Variants in EHBP1 observed in about 807,000 individuals in gnomAD.
EHBP1 encodes EH domain binding protein 1.
EHBP1 carries 55 observed loss-of-function variants against 144.0 expected under a neutral mutation model. The ratio of observed to expected loss-of-function variants is 0.38; its 90% CI spans 0.31 to 0.48. The LOEUF (loss-of-function observed/expected upper bound fraction) is 0.48. EHBP1 is among the 20% of genes least tolerant of loss of function. The probability of loss-of-function intolerance (pLI) is 0.98; values close to 1 mark genes in which losing one functional copy is unlikely to be tolerated. For synonymous variants in EHBP1, 469 were observed against 472.7 expected, an observed-to-expected ratio of 0.99 and a Z score of 0.10; for missense variants, 1,200 against 1,364.2, an observed-to-expected ratio of 0.88 and a Z score of 1.90.
At chr2:62,996,548 G>A (rs2059634026) in intron 18 of EHBP1, 95 bp from the exon 19 acceptor site, 1 of 1,508,658 alleles carries the variant, frequency 6.6e-7, no homozygotes, top group Admixed American at 1.8e-5. Flanking sequence ...GGTGTATTTG[G>A]TTCTCTAGGT....
At position 62,894,250 on chromosome 2, in the gene EHBP1, A is replaced by G. The variant is rs17027460; in HGVS notation, c.1185+19718A>G. On this transcript the variant is annotated intron_variant, in intron 10 of 22. Coordinates refer to ENST00000431489, the MANE Select transcript of EHBP1 (RefSeq NM_001142616.3). Reference sequence around the variant, plus strand: ...ACCCAATATGGTAGGCACATAAACAAAAAGTATGGTACATTATAATTAGGG... The same window carrying G: ...ACCCAATATGGTAGGCACATAAACAGAAAGTATGGTACATTATAATTAGGG... Among the ~76,000 whole-genome samples the G allele has an allele frequency of 3.1e-3, 469 of 152,316 alleles. 9 individuals carry two copies. Among genetic ancestry groups the G allele is most frequent in the East Asian group, 0.027 (142 of 5,186 alleles).
intron 2 of EHBP1, among the ~76,000 whole-genome samples, chr2:62,732,796 T>C (rs1427754112): frequency 6.6e-6 from 1 of 152,216 alleles, no homozygotes; most frequent in Non-Finnish European, 1.5e-5. Context: ...TGTAATTGTC[T>C]CACAGTTTTT....
rs1305544135 is a variant in EHBP1 at position 62,900,207 on chromosome 2, A to G, written c.1185+25675A>G. Reference sequence around the variant, plus strand: ...GTCACTTCCAATATAAGGAAAATAAAAAAATGAAGACTAAATATTTACTCT... The same window carrying G: ...GTCACTTCCAATATAAGGAAAATAAGAAAATGAAGACTAAATATTTACTCT... On this transcript the variant is annotated intron_variant, in intron 10 of 22. Transcript: ENST00000431489. Among the ~76,000 whole-genome samples the G allele has an allele frequency of 2.0e-5, 3 of 152,226 alleles. No homozygotes were observed. The East Asian group carries it at 5.8e-4, about 29-fold the overall frequency.
At chr2:62,778,639 A>G (rs1276661143) in intron 5 of EHBP1, among the ~76,000 whole-genome samples, 2 of 152,164 alleles carry the variant, frequency 1.3e-5, no homozygotes, top group East Asian at 3.9e-4. Context: ...TGCCCAACCA[A>G]ACTCACCTGA....
At chr2:62,684,879 G>C (rs1466435869) in intron 1 of EHBP1, among the ~76,000 whole-genome samples, 2 of 152,156 alleles carry the variant, frequency 1.3e-5, no homozygotes, top group African/African-American at 2.4e-5. Context: ...CCAAAAACTG[G>C]GTGACTTACA....
intron 15 of EHBP1, among the ~76,000 whole-genome samples, chr2:62,979,808 T>G (rs536967101): frequency 6.6e-5 from 10 of 152,298 alleles, no homozygotes; most frequent in African/African-American, 2.2e-4. Context: ...CAGTTTCTTC[T>G]TAGTCTCCTC....
chr2:62,881,377 G>A (rs2051399373), intron 10 of EHBP1, among the ~76,000 whole-genome samples: 1 of 129,500 alleles, frequency 7.7e-6, no homozygotes, highest in African/African-American at 2.9e-5. Flanking sequence ...ACCCACACAT[G>A]TACGTCCTGA....
At chr2:62,815,649 T>C (rs2045384080) in intron 5 of EHBP1, among the ~76,000 whole-genome samples, 2 of 152,332 alleles carry the variant, frequency 1.3e-5, no homozygotes, top group Non-Finnish European at 2.9e-5. Context: ...TTGGCAAATG[T>C]TTTATTGAAA....
chr2:62,737,585 T>A (rs1175750157), intron 2 of EHBP1, among the ~76,000 whole-genome samples: 1 of 151,960 alleles, frequency 6.6e-6, no homozygotes, highest in Non-Finnish European at 1.5e-5. Context: ...CTAAGAAGAG[T>A]TGTTGATATT....
intron 15 of EHBP1, among the ~76,000 whole-genome samples, chr2:62,982,404 TG>T (rs2059010460): frequency 6.6e-6 from 1 of 152,210 alleles, no homozygotes; most frequent in Non-Finnish European, 1.5e-5. Flanking sequence ...GTAGGCTGGA[TG>T]TTGCCCCTGG....
chr2:62,703,345 GA>G (rs956884196), upstream of EHBP1, among the ~76,000 whole-genome samples: 6 of 146,698 alleles, frequency 4.1e-5, no homozygotes, highest in East Asian at 7.9e-4. Flanking sequence ...CCCGTCTCAA[GA>G]AAAAAAAAAG....
At chr2:62,816,241 G>T (rs1558721568) in intron 5 of EHBP1, among the ~76,000 whole-genome samples, 1 of 152,142 alleles carries the variant, frequency 6.6e-6, no homozygotes, top group Non-Finnish European at 1.5e-5. Flanking sequence ...ACTTTAGAGA[G>T]AGATAAAGAC....
At chr2:62,756,673 C>T (rs1362271147) in intron 3 of EHBP1, among the ~76,000 whole-genome samples, 1 of 148,784 alleles carries the variant, frequency 6.7e-6, no homozygotes, top group Non-Finnish European at 1.5e-5. Context: ...GGCGCTGAGG[C>T]AGGAGAATAG....
At chr2:62,888,381 A>G (rs988501940) in intron 10 of EHBP1, among the ~76,000 whole-genome samples, 1 of 152,210 alleles carries the variant, frequency 6.6e-6, no homozygotes, top group Non-Finnish European at 1.5e-5. Context: ...TAAAAATGCT[A>G]AATTTTTCTT....
rs781126380 is a variant in EHBP1 at position 62,948,454 on chromosome 2, T to C, written c.1608T>C (p.Tyr536=). The C allele has an allele frequency of 1.2e-5, 20 of 1,613,410 alleles. No homozygotes were observed. The highest frequency in any genetic ancestry group is 1.5e-5 in the Non-Finnish European group (18 of 1,179,562). The part of the protein sequence containing the change: ...SSKSTYKVGN[Y]ETDTNSSVDQ... ...AAAGCACATATAAAGTTGGAAACTA[T>C]GAAACAGATACAAACAGTTCTGTTG... The change falls in exon 13 of 23, where the codon TAT becomes TAC. Residue 536 remains tyrosine (Y), a synonymous_variant. Transcript: ENST00000431489.
upstream of EHBP1, among the ~76,000 whole-genome samples, chr2:62,704,543 C>T (rs940096455): frequency 6.6e-6 from 1 of 152,184 alleles, no homozygotes; most frequent in East Asian, 1.9e-4. Context: ...GAACCCATCC[C>T]GCTTGCTTTC....
In EHBP1 at chr2:63,004,969, G is replaced by A. The variant is rs74721728; in HGVS notation, c.3103+8203G>A. ...AATTTTATTTTATTCTGAAGCAGGT[G>A]GTCCACAGAGTTCCCCTTTGAGAAC... On this transcript the variant is annotated intron_variant, in intron 19 of 22. Transcript: ENST00000431489. 3.5e-3 allele frequency among the ~76,000 whole-genome samples: 537 copies of A among 152,078 alleles called. 24 individuals are homozygous for A. The East Asian group carries it at 0.085, about 24-fold the overall frequency.
At chr2:63,001,502 A>C (rs1003733470) in intron 19 of EHBP1, among the ~76,000 whole-genome samples, 1 of 152,198 alleles carries the variant, frequency 6.6e-6, no homozygotes, top group African/African-American at 2.4e-5. Context: ...GCTTTAAAGC[A>C]GGGAATAGGG....
At chr2:62,748,218 G>A (rs1480989755) in intron 3 of EHBP1, among the ~76,000 whole-genome samples, 2 of 152,082 alleles carry the variant, frequency 1.3e-5, no homozygotes, top group Non-Finnish European at 2.9e-5. Flanking sequence ...AAGAAGTTAC[G>A]AGTTATCTGA....
Sources: gnomAD v4.1 joint callset for allele counts (sites outside exome capture counted in the v4.1 genomes callset) on GRCh38, gnomAD v4.1.1 for gene constraint, MANE v1.5 for transcripts, NCBI Gene and HGNC (gene_info 2026-07-23, HGNC 2026-07-21) for gene names.